TAF3: variants seen among roughly 807,000 people sequenced by gnomAD.
TAF3 encodes the protein TATA-box binding protein associated factor 3, also known as transcription initiation factor TFIID subunit 3.
A neutral mutation model predicts 80.6 loss-of-function variants in TAF3; 7 were observed. The observed-to-expected ratio is 0.09, with a 90% CI of 0.05 to 0.16. The LOEUF is 0.16. Ranked by LOEUF, TAF3 falls within the 10% of genes least tolerant of loss-of-function variation. The pLI, the probability that TAF3 is intolerant of heterozygous loss-of-function variation, is 1.00. For missense variants in TAF3, 921 were observed against 1,140.2 expected (o/e 0.81, Z 2.77); for synonymous variants, 444 against 446.1 (o/e 1.00, Z 0.06).
At chr10:7,955,998 T>C (rs1838131602) in intron 2 of TAF3, among the ~76,000 whole-genome samples, 1 of 152,192 alleles carries the variant, frequency 6.6e-6, no homozygotes, top group Non-Finnish European at 1.5e-5. Context: ...CACACTCTGA[T>C]GCTTTTAGGG....
chr10:7,838,908 G>GTTTTTTTTTTTTT (rs71505463), intron 2 of TAF3, among the ~76,000 whole-genome samples: 190 of 101,746 alleles, frequency 1.9e-3, no homozygotes, highest in African/African-American at 4.8e-3. Flanking sequence ...GGCATTGCTT[G>GTTTTTTTTTTTTT]TTTTTTTTTT....
intron 3 of TAF3, among the ~76,000 whole-genome samples, chr10:7,974,269 G>A (rs997394513): frequency 2.6e-5 from 4 of 152,014 alleles, no homozygotes; most frequent in Non-Finnish European, 5.9e-5. Flanking sequence ...GGACCATACT[G>A]TCTGCAGGAC....
chr10:7,902,785 T>C (rs982758504), intron 2 of TAF3, among the ~76,000 whole-genome samples: 5 of 152,218 alleles, frequency 3.3e-5, no homozygotes, highest in African/African-American at 1.2e-4. Flanking sequence ...TTGTCAGTTA[T>C]TATACTTGTG....
chr10:7,861,678 A>G (rs1405131621), intron 2 of TAF3, among the ~76,000 whole-genome samples: 2 of 152,122 alleles, frequency 1.3e-5, no homozygotes, highest in Non-Finnish European at 2.9e-5. Context: ...CATTTGTCTT[A>G]CTGTTCCATG....
At chr10:7,931,864 T>C (rs1837872339) in intron 2 of TAF3, among the ~76,000 whole-genome samples, 1 of 152,220 alleles carries the variant, frequency 6.6e-6, no homozygotes, top group Admixed American at 6.5e-5. Flanking sequence ...TTGTTGTCTT[T>C]GGCCTCATGG....
intron 2 of TAF3, among the ~76,000 whole-genome samples, chr10:7,876,110 A>T (rs954123062): frequency 6.6e-5 from 10 of 152,058 alleles, no homozygotes; most frequent in Non-Finnish European, 1.3e-4. Context: ...GAGACGCTTA[A>T]TGACCAAAAG....
rs574581259 is a variant in TAF3 at position 7,903,954 on chromosome 10, G to A, written c.410-59966G>A. Among the ~76,000 whole-genome samples the A allele has an allele frequency of 4.9e-4, 75 of 152,258 alleles. 2 individuals carry two copies. Among genetic ancestry groups the A allele is most frequent in the Admixed American group, 1.8e-3 (28 of 15,308 alleles). ...AAGTGTGAGAATATTTTACGGTATT[G>A]TAGGTATCTGGAAAACAGAGAGCAG... On this transcript the variant is annotated intron_variant, in intron 2 of 6. Coordinates refer to ENST00000344293, the MANE Select transcript of TAF3 (RefSeq NM_031923.4).
intron 2 of TAF3, among the ~76,000 whole-genome samples, chr10:7,917,411 A>C (rs1837721422): frequency 6.6e-6 from 1 of 152,184 alleles, no homozygotes; most frequent in Non-Finnish European, 1.5e-5. Flanking sequence ...CATGAGAGGG[A>C]GTGAGCTTTG....
At chr10:7,934,513 C>A (rs565464549) in intron 2 of TAF3, among the ~76,000 whole-genome samples, 215 of 152,256 alleles carry the variant, frequency 1.4e-3, no homozygotes, top group African/African-American at 5.0e-3. Context: ...GGCACGATCT[C>A]AGCTCATTGC....
chr10:7,862,087 A>G (rs1381136982), intron 2 of TAF3, among the ~76,000 whole-genome samples: 2 of 152,088 alleles, frequency 1.3e-5, no homozygotes, highest in African/African-American at 4.8e-5. Context: ...TGAATTTCAG[A>G]TATAATATTT....
intron 2 of TAF3, among the ~76,000 whole-genome samples, chr10:7,839,206 G>A (rs1337920961): frequency 1.3e-5 from 2 of 152,014 alleles, no homozygotes; most frequent in African/African-American, 2.4e-5. Flanking sequence ...TGGAGTTCTC[G>A]TCCATCACCA....
chr10:8,009,101 C>T lies in TAF3; in HGVS notation c.2339C>T (p.Ala780Val), dbSNP rs771299336. 6 of 1,600,294 alleles carry T rather than the reference C, an allele frequency of 3.7e-6. No individual in the cohort carries two copies. The highest frequency in any genetic ancestry group is 2.2e-5 in the South Asian group (2 of 91,018). ...AGTGTCATCAGCAAGGTGGTCCCTG[C>T]CCCCGAGGCCAAGCCGGCGCCCTCG... is the stretch of plus-strand genomic sequence containing the variant. ...DKIVISKVVP[A>V]PEAKPAPSQN... The change falls in exon 5 of 7, where the codon GCC becomes GTC. Residue 780 changes from alanine (A) to valine (V), a missense_variant. Physicochemically the swap from Ala to Val is moderately conservative, Grantham distance 64. This residue lies in a region of TAF3 where 743 missense variants were observed against 821.0 expected (regional missense o/e 0.90). Coordinates refer to ENST00000344293, the MANE Select transcript of TAF3 (RefSeq NM_031923.4). This position sits in a 1 kb window ranked among gnomAD's most constrained non-coding sequence, Gnocchi z 4.1.
chr10:7,914,191 T>C (rs1837683730), intron 2 of TAF3, among the ~76,000 whole-genome samples: 1 of 152,226 alleles, frequency 6.6e-6, no homozygotes, highest in African/African-American at 2.4e-5. Flanking sequence ...GTTATACATA[T>C]TCTTAAAATA....
At chr10:7,979,141 G>A (rs1003327833) in intron 4 of TAF3, among the ~76,000 whole-genome samples, 8 of 152,084 alleles carry the variant, frequency 5.3e-5, no homozygotes, top group African/African-American at 1.2e-4. Context: ...TCAGGAGATC[G>A]AGACCATCCT....
At chr10:7,911,997 C>T (rs986796060) in intron 2 of TAF3, among the ~76,000 whole-genome samples, 3 of 152,148 alleles carry the variant, frequency 2.0e-5, no homozygotes, top group African/African-American at 4.8e-5. Context: ...TATGCACTTT[C>T]GGATCATCCA....
intron 2 of TAF3, among the ~76,000 whole-genome samples, chr10:7,935,491 G>A (rs1564366615): frequency 6.7e-6 from 1 of 149,720 alleles, no homozygotes; most frequent in Non-Finnish European, 1.5e-5. Context: ...GGCTGAGGCA[G>A]GAGAATGGCG....
intron 2 of TAF3, among the ~76,000 whole-genome samples, chr10:7,858,796 A>G (rs1837108543): frequency 6.9e-6 from 1 of 145,030 alleles, no homozygotes; most frequent in African/African-American, 2.6e-5. Context: ...TCACTGGTAC[A>G]TTATAGGCTC....
intron 1 of TAF3, among the ~76,000 whole-genome samples, chr10:7,822,681 T>C (rs988010367): frequency 7.2e-5 from 11 of 152,208 alleles, no homozygotes; most frequent in Non-Finnish European, 1.5e-5. Context: ...TTTTTCATTT[T>C]ACAGTGTGAT....
rs553517431 is a variant in TAF3 at position 7,964,791 on chromosome 10, A to G, written c.1281A>G (p.Ser427=). The G allele has an allele frequency of 2.4e-4, 382 of 1,614,218 alleles. 2 individuals are homozygous for G. In the South Asian group the frequency reaches 4.0e-3, roughly 17 times the overall value. ...TTTTTACTAGCCCTAAGAGAATTTCAGGCCCGGAGTGTACTACTCCCAAAG... is the reference window on the plus strand; with the variant it reads ...TTTTTACTAGCCCTAAGAGAATTTCGGGCCCGGAGTGTACTACTCCCAAAG... ...GDIFTSPKRI[S]GPECTTPKAS... Residue 427 remains serine, a synonymous_variant, in exon 3 of 7, where the codon TCA becomes TCG. Transcript: ENST00000344293. The surrounding 1 kb of genome is among the most constrained non-coding windows in gnomAD (Gnocchi z 4.1).
Sources: allele counts gnomAD v4.1 joint callset (sites outside exome capture counted in the v4.1 genomes callset), GRCh38; gene constraint gnomAD v4.1.1; regional missense constraint gnomAD v4.1.1; non-coding constraint Gnocchi (gnomAD v3.1); transcripts MANE v1.5; gene names NCBI Gene and HGNC (gene_info 2026-07-23, HGNC 2026-07-21).